The following NPR3 variants were observed in gnomAD, a reference collection of about 807,000 sequenced individuals.
NPR3 encodes the protein atrial natriuretic peptide receptor 3.
In NPR3, 34 loss-of-function variants were observed where a neutral mutation model predicts 54.5. The ratio of observed to expected loss-of-function variants is 0.62; its 90% CI spans 0.47 to 0.83. The LOEUF (loss-of-function observed/expected upper bound fraction) is 0.83, where lower values mean the gene tolerates loss of function less well. Among genes scored for constraint, NPR3 ranks in the 40% least tolerant of loss-of-function variants. NPR3 has a pLI of 0.00. For missense variants in NPR3, 674 were observed against 720.8 expected (o/e 0.94, Z 0.74); for synonymous variants, 289 against 297.1 (o/e 0.97, Z 0.28).
intron 3 of NPR3, among the ~76,000 whole-genome samples, chr5:32,744,115 C>T (rs1740176346): frequency 6.6e-6 from 1 of 151,656 alleles, no homozygotes; most frequent in African/African-American, 2.4e-5. Context: ...GCCTCAGCCT[C>T]CCAAGTAGCT....
At chr5:32,782,782 G>A in intron 5 of NPR3, 111 bp from the exon 6 acceptor site, 1 of 1,044,582 alleles carries the variant, frequency 9.6e-7, no homozygotes, top group African/African-American at 1.6e-5. Context: ...ATGCCCAGAG[G>A]CAGCCAGTTT....
intron 3 of NPR3, among the ~76,000 whole-genome samples, chr5:32,765,815 C>T (rs559555737): frequency 3.1e-4 from 47 of 152,180 alleles, no homozygotes; most frequent in South Asian, 1.2e-3. Context: ...GGGAATCAAA[C>T]GGAATCTATA....
chr5:32,693,095 C>T (rs1021185745), intron 1 of NPR3, among the ~76,000 whole-genome samples: 2 of 151,822 alleles, frequency 1.3e-5, no homozygotes, highest in Non-Finnish European at 2.9e-5. Context: ...GCACTCCATC[C>T]TGGGAACAGA....
chr5:32,788,160 G>A lies in NPR3; in HGVS notation c.*1815G>A, dbSNP rs1045180338. 1 of 152,232 alleles carries A rather than the reference G, an allele frequency of 6.6e-6. No homozygotes were observed. Among genetic ancestry groups the A allele is most frequent in the Non-Finnish European group, 1.5e-5 (1 of 68,054 alleles). 9.4% of individuals were successfully genotyped at this position (152,232 alleles called of 1,614,324 possible). A position where few individuals can be genotyped will look rare whatever the true frequency, so the allele number is the denominator to read the frequency against. ...TTTCCCTTCTGTTGTTTAAGAAATG[G>A]GAGCTGGGAGGCAGCTGAGAGGGCG... On this transcript the variant is annotated 3_prime_UTR_variant, in exon 8 of 8. Coordinates refer to ENST00000265074, the MANE Select transcript of NPR3 (RefSeq NM_001204375.2).
At chr5:32,775,989 A>G (rs1396648782) in intron 4 of NPR3, among the ~76,000 whole-genome samples, 1 of 152,254 alleles carries the variant, frequency 6.6e-6, no homozygotes, top group Non-Finnish European at 1.5e-5. Flanking sequence ...TTTAAACAGT[A>G]CAAAAATGTG....
At chr5:32,701,152 G>C (rs182318014) in intron 1 of NPR3, among the ~76,000 whole-genome samples, 17 of 152,288 alleles carry the variant, frequency 1.1e-4, no homozygotes, top group Non-Finnish European at 1.8e-4. Context: ...GACCACTGAT[G>C]ATGAGCATTT....
chr5:32,729,514 T>C (rs1014376532), intron 2 of NPR3, among the ~76,000 whole-genome samples: 8 of 152,236 alleles, frequency 5.3e-5, no homozygotes, highest in South Asian at 2.1e-4. Context: ...ATGATGAAGA[T>C]ACATTCTGAG....
chr5:32,752,767 G>T (rs1016451213), intron 3 of NPR3, among the ~76,000 whole-genome samples: 9 of 152,216 alleles, frequency 5.9e-5, no homozygotes, highest in African/African-American at 2.2e-4. Context: ...CTGAGGTGTT[G>T]CAGGAGGAAT....
At chr5:32,780,134 A>G (rs930764180) in intron 4 of NPR3, among the ~76,000 whole-genome samples, 2 of 152,246 alleles carry the variant, frequency 1.3e-5, no homozygotes, top group African/African-American at 4.8e-5. Flanking sequence ...CTAATTCAGT[A>G]CTAAGCGTCC....
At position 32,738,942 on chromosome 5, in the gene NPR3, T is replaced by C; in HGVS notation, c.971T>C (p.Leu324Pro). Residue 324 changes from leucine to proline, a missense_variant, in exon 3 of 8, where the codon CTA becomes CCA. Transcript: ENST00000265074. ...TACTCGTCCCTCCAGACAGTCACTCTACTGAGGACAGTGAAACCTGAGTTT... is the reference window on the plus strand; with the variant it reads ...TACTCGTCCCTCCAGACAGTCACTCCACTGAGGACAGTGAAACCTGAGTTT... ...QAYSSLQTVT[L>P]LRTVKPEFEK... 2 of 1,614,014 alleles carry C rather than the reference T, an allele frequency of 1.2e-6. No individual in the cohort carries two copies. Among genetic ancestry groups the C allele is most frequent in the Non-Finnish European group, 1.7e-6 (2 of 1,179,856 alleles).
chr5:32,764,032 T>C (rs1336705828), intron 3 of NPR3, among the ~76,000 whole-genome samples: 1 of 152,198 alleles, frequency 6.6e-6, no homozygotes, highest in East Asian at 1.9e-4. Context: ...TCATGGAAAG[T>C]CTGAGGCATT....
chr5:32,748,170 T>C (rs1421941626), intron 3 of NPR3, among the ~76,000 whole-genome samples: 1 of 152,252 alleles, frequency 6.6e-6, no homozygotes, highest in African/African-American at 2.4e-5. Context: ...AAAATTTTGA[T>C]GCTATTACTC....
chr5:32,731,197 A>G (rs1004814645), intron 2 of NPR3, among the ~76,000 whole-genome samples: 1 of 152,204 alleles, frequency 6.6e-6, no homozygotes, highest in Non-Finnish European at 1.5e-5. Flanking sequence ...CTATGAGTTT[A>G]ATTTTTCTGC....
At chr5:32,728,506 C>A (rs1739251452) in intron 2 of NPR3, among the ~76,000 whole-genome samples, 1 of 149,378 alleles carries the variant, frequency 6.7e-6, no homozygotes, top group African/African-American at 2.5e-5. Context: ...GATAGTATTG[C>A]CAGATTTTAA....
intron 5 of NPR3, among the ~76,000 whole-genome samples, chr5:32,782,459 C>T (rs1032675057): frequency 1.3e-5 from 2 of 152,076 alleles, no homozygotes; most frequent in African/African-American, 4.8e-5. Flanking sequence ...AAGCAAAAGC[C>T]GGGAATTCCG....
At chr5:32,744,602 G>A (rs1740202666) in intron 3 of NPR3, among the ~76,000 whole-genome samples, 1 of 152,208 alleles carries the variant, frequency 6.6e-6, no homozygotes, top group Admixed American at 6.5e-5. Context: ...TACTTGGTAA[G>A]CATTCATCGG....
chr5:32,726,422 T>C (rs1364042434), intron 2 of NPR3, among the ~76,000 whole-genome samples: 1 of 152,180 alleles, frequency 6.6e-6, no homozygotes, highest in Admixed American at 6.5e-5. Context: ...CTTCCTGCCA[T>C]GATGGTCTTT....
rs560873182 is a variant in NPR3 at position 32,696,766 on chromosome 5, C to T, written c.100+7580C>T. 8.6e-5 allele frequency among the ~76,000 whole-genome samples: 13 copies of T among 152,028 alleles called. No homozygotes were observed. In the South Asian group the frequency reaches 1.2e-3, roughly 15 times the overall value. ...TTATTTTATTTTTAGCTGTTGAAAG[C>T]GGGATTACTCTCTTGATTTCTTTTT... On this transcript the variant is annotated intron_variant, in intron 1 of 5. Transcript: ENST00000509104.
intron 1 of NPR3, 126 bp from the exon 2 acceptor site, chr5:32,724,572 T>C (rs1739037945): frequency 9.3e-7 from 1 of 1,074,778 alleles, no homozygotes; most frequent in South Asian, 1.6e-5. Context: ...TAACAAGTGA[T>C]TGTGAGGAGA....
Sources: gnomAD v4.1 joint callset for allele counts (sites outside exome capture counted in the v4.1 genomes callset) on GRCh38, gnomAD v4.1.1 for gene constraint, MANE v1.5 for transcripts, NCBI Gene and HGNC (gene_info 2026-07-23, HGNC 2026-07-21) for gene names.